VPS13B: variants seen among roughly 807,000 people sequenced by gnomAD.
VPS13B encodes vacuolar protein sorting 13 homolog B.
A neutral mutation model predicts 426.4 loss-of-function variants in VPS13B; 285 were observed. That is an observed-to-expected ratio of 0.67 (90% CI 0.61 to 0.74). The LOEUF is 0.74. VPS13B is among the 30% of genes least tolerant of loss of function. The pLI, the probability that VPS13B is intolerant of heterozygous loss-of-function variation, is 0.00. For missense variants in VPS13B, 4,537 were observed against 4,782.6 expected (o/e 0.95, Z 1.51); for synonymous variants, 1,676 against 1,676.4 (o/e 1.00, Z 0.01).
intron 24 of VPS13B, among the ~76,000 whole-genome samples, chr8:99,470,705 A>G (rs1016201141): frequency 6.7e-6 from 1 of 149,724 alleles, no homozygotes; most frequent in East Asian, 2.0e-4. Context: ...AGGAGAGGAT[A>G]AAAGGATTGG....
chr8:99,372,574 CATT>C (rs1343623023), intron 19 of VPS13B, among the ~76,000 whole-genome samples: 1 of 152,190 alleles, frequency 6.6e-6, no homozygotes, highest in African/African-American at 2.4e-5. Flanking sequence ...AGTTCATCAT[CATT>C]GGCCATTAGA....
At chr8:99,647,119 A>G (rs904901904) in intron 34 of VPS13B, among the ~76,000 whole-genome samples, 1 of 152,132 alleles carries the variant, frequency 6.6e-6, no homozygotes, top group Non-Finnish European at 1.5e-5. Flanking sequence ...TGAGAGGACA[A>G]TAACATTTGA....
intron 22 of VPS13B, among the ~76,000 whole-genome samples, chr8:99,436,072 G>T (rs1817356494): frequency 6.6e-6 from 1 of 152,146 alleles, no homozygotes; most frequent in Non-Finnish European, 1.5e-5. Flanking sequence ...TGTCCTTGAA[G>T]AAAATTATGT....
At chr8:99,280,927 T>C (rs1233967482) in intron 19 of VPS13B, among the ~76,000 whole-genome samples, 1 of 152,200 alleles carries the variant, frequency 6.6e-6, no homozygotes, top group Non-Finnish European at 1.5e-5. Flanking sequence ...TGGTTGATCA[T>C]ACCCTTTCTA....
chr8:99,827,553 T>A (rs1475926408), intron 51 of VPS13B, among the ~76,000 whole-genome samples: 1 of 151,714 alleles, frequency 6.6e-6, no homozygotes, highest in Non-Finnish European at 1.5e-5. Context: ...TTTTTTTTTT[T>A]TTGAAGAGTT....
rs758391672 is a variant in VPS13B at position 99,501,724 on chromosome 8, C to T, written c.3908C>T (p.Ser1303Leu). Reference sequence around the variant, plus strand: ...CAAGCAGGTGAGGAATCACCATTCTCAGATTCTGTGACCTTGGAACAAACT... The same window carrying T: ...CAAGCAGGTGAGGAATCACCATTCTTAGATTCTGTGACCTTGGAACAAACT... ...SIQAGEESPFSDSVTLEQTTS... is the reference protein window; with the variant it reads ...SIQAGEESPFLDSVTLEQTTS... Residue 1303 changes from serine to leucine, a missense_variant, in exon 26 of 62, where the codon TCA (serine) becomes TTA (leucine). Coordinates refer to ENST00000357162, the MANE Select transcript of VPS13B (RefSeq NM_152564.5). 4 of 1,613,928 alleles carry T rather than the reference C, an allele frequency of 2.5e-6. No individual in the cohort carries two copies. Among genetic ancestry groups the T allele is most frequent in the Admixed American group, 3.3e-5 (2 of 59,994 alleles).
chr8:99,387,773 A>G (rs763802205), intron 20 of VPS13B, among the ~76,000 whole-genome samples: 1 of 152,178 alleles, frequency 6.6e-6, no homozygotes, highest in South Asian at 2.1e-4. Context: ...ATGCCGATAT[A>G]CAAGTATTGG....
At chr8:99,824,104 AT>A in intron 51 of VPS13B, 126 bp downstream of exon 51, 1 of 1,203,382 alleles carries the variant, frequency 8.3e-7, no homozygotes, top group South Asian at 1.3e-5. Flanking sequence ...AAATTCACTT[AT>A]TTTTGTTGTA....
Position 99,824,816 on chromosome 8 carries a change from G to C in VPS13B, c.9330+838G>C, listed in dbSNP as rs2130831549. Reference sequence around the variant, plus strand: ...TTGTTCAACTCCCACTTATGAGTGAGAACATGTGGTGTTTGGTTTTCTGTT... The same window carrying C: ...TTGTTCAACTCCCACTTATGAGTGACAACATGTGGTGTTTGGTTTTCTGTT... On this transcript the variant is annotated intron_variant, in intron 51 of 61. Transcript: ENST00000357162. Among the ~76,000 whole-genome samples the C allele has an allele frequency of 1.3e-5, 2 of 152,262 alleles. 1 individual carries two copies. The highest frequency in any genetic ancestry group is 6.8e-3 in the Middle Eastern group (2 of 294).
intron 17 of VPS13B, among the ~76,000 whole-genome samples, chr8:99,262,769 CTG>C (rs1491202004): frequency 1.3e-5 from 2 of 149,910 alleles, no homozygotes; most frequent in Non-Finnish European, 3.0e-5. Flanking sequence ...TTTGGATGGT[CTG>C]TTGTTGTTGT....
chr8:99,055,305 G>A (rs1843790826), intron 3 of VPS13B, among the ~76,000 whole-genome samples: 1 of 152,132 alleles, frequency 6.6e-6, no homozygotes, highest in Admixed American at 6.5e-5. Flanking sequence ...CTCCCAAAGT[G>A]CTGTGATTAC....
rs753676801 is a variant in VPS13B at position 99,511,344 on chromosome 8, A to G, written c.4465A>G (p.Ile1489Val). ...YFPLLNAIAS[I>V]FQAKLPKTQK... ...TCCTTTACTTAATGCCATTGCAAGT[A>G]TATTTCAAGCAAAACTACCAAAGAC... Residue 1489 changes from isoleucine to valine, a missense_variant, in exon 29 of 62, where the codon ATA becomes GTA. Coordinates refer to ENST00000357162, the MANE Select transcript of VPS13B (RefSeq NM_152564.5). The G allele has an allele frequency of 1.9e-6, 3 of 1,614,060 alleles. No homozygotes were observed. Among genetic ancestry groups the G allele is most frequent in the South Asian group, 1.1e-5 (1 of 91,084 alleles).
chr8:99,711,144 C>T (rs779630067), intron 36 of VPS13B, among the ~76,000 whole-genome samples: 17 of 151,996 alleles, frequency 1.1e-4, no homozygotes, highest in Non-Finnish European at 2.1e-4. Context: ...TGTGGGTTAA[C>T]CTTTCTGTGG....
chr8:99,517,671 T>C (rs1421235337), intron 29 of VPS13B, among the ~76,000 whole-genome samples: 1 of 152,148 alleles, frequency 6.6e-6, no homozygotes, highest in Non-Finnish European at 1.5e-5. Context: ...TAGATGACTT[T>C]TAAAAATCTA....
chr8:99,244,681 A>G (rs374613521), intron 17 of VPS13B, among the ~76,000 whole-genome samples: 49 of 152,354 alleles, frequency 3.2e-4, no homozygotes, highest in African/African-American at 1.2e-3. Flanking sequence ...AGATAGTTCT[A>G]TAATAACACT....
chr8:99,021,917 T>G (rs1347518420), intron 2 of VPS13B, among the ~76,000 whole-genome samples: 3 of 152,142 alleles, frequency 2.0e-5, no homozygotes, highest in Non-Finnish European at 4.4e-5. Flanking sequence ...CCCAGGCTGG[T>G]GTTTATTATA....
At chr8:99,763,574 T>C (rs557063424) in intron 39 of VPS13B, among the ~76,000 whole-genome samples, 1 of 152,322 alleles carries the variant, frequency 6.6e-6, no homozygotes, top group African/African-American at 2.4e-5. Context: ...GAAAGGATTT[T>C]TCCATCTGGG....
chr8:99,642,290 A>T lies in VPS13B; in HGVS notation c.5700A>T (p.Thr1900=). 1 of 1,614,172 alleles carries T rather than the reference A, an allele frequency of 6.2e-7. No homozygotes were observed. The highest frequency in any genetic ancestry group is 8.5e-7 in the Non-Finnish European group (1 of 1,180,012). ...VLSLESLHAS[T]RSSARQALGI... Reference sequence around the variant, plus strand: ...CTCTTGAAAGTCTTCATGCATCCACAAGGTCATCTGCTAGACAAGCACTTG... The same window carrying T: ...CTCTTGAAAGTCTTCATGCATCCACTAGGTCATCTGCTAGACAAGCACTTG... Residue 1900 remains threonine, a synonymous_variant, in exon 34 of 62, where the codon ACA becomes ACT. Coordinates refer to ENST00000357162, the MANE Select transcript of VPS13B (RefSeq NM_152564.5).
chr8:99,247,518 A>C (rs1467440848), intron 17 of VPS13B, among the ~76,000 whole-genome samples: 1 of 152,108 alleles, frequency 6.6e-6, no homozygotes, highest in African/African-American at 2.4e-5. Flanking sequence ...CTGATCTTTA[A>C]TGGGTTGAAA....
Sources: gnomAD v4.1 joint callset for allele counts (sites outside exome capture counted in the v4.1 genomes callset) on GRCh38, gnomAD v4.1.1 for gene constraint, MANE v1.5 for transcripts, NCBI Gene and HGNC (gene_info 2026-07-23, HGNC 2026-07-21) for gene names.